EXOC4: variants seen among roughly 807,000 people sequenced by gnomAD.
The protein encoded by EXOC4 is exocyst complex component 4, also known as SEC8-like 1.
Under a neutral mutation model 107.2 loss-of-function variants are expected in EXOC4, and 71 were observed. The observed-to-expected ratio is 0.66, with a 90% CI of 0.55 to 0.81. The LOEUF is 0.81. Ranked by LOEUF, EXOC4 falls within the 30% of genes least tolerant of loss-of-function variation. The pLI is 0.00. For synonymous variants in EXOC4, 456 were observed against 441.2 expected (o/e 1.03, Z -0.42); for missense variants, 1,108 against 1,189.6 (o/e 0.93, Z 1.01).
chr7:133,403,388 C>T (rs1193176794), intron 7 of EXOC4, among the ~76,000 whole-genome samples: 2 of 152,186 alleles, frequency 1.3e-5, no homozygotes, highest in Non-Finnish European at 2.9e-5. Flanking sequence ...TGTGATCCTA[C>T]TGCATTTATG....
chr7:133,288,586 T>A (rs760288715), intron 2 of EXOC4, among the ~76,000 whole-genome samples: 2 of 152,218 alleles, frequency 1.3e-5, no homozygotes, highest in African/African-American at 4.8e-5. Context: ...GACTCTCACA[T>A]TGATCATTCT....
intron 9 of EXOC4, among the ~76,000 whole-genome samples, chr7:133,498,754 A>C (rs770180309): frequency 9.9e-5 from 15 of 152,212 alleles, no homozygotes; most frequent in Non-Finnish European, 1.5e-4. Flanking sequence ...ATGTACTAGT[A>C]CTAAACCCCA....
chr7:134,069,400 C>T (rs1298542843), downstream of EXOC4, among the ~76,000 whole-genome samples: 1 of 148,584 alleles, frequency 6.7e-6, no homozygotes, highest in Non-Finnish European at 1.5e-5. Flanking sequence ...TCTTCTCCCC[C>T]TACTTCTCCT....
chr7:133,724,200 C>T (rs1055338060), intron 10 of EXOC4, among the ~76,000 whole-genome samples: 18 of 152,014 alleles, frequency 1.2e-4, no homozygotes, highest in Non-Finnish European at 2.4e-4. Context: ...TCTGGTTTTC[C>T]CAGGCTGATA....
At chr7:133,834,589 A>G (rs767224442) in intron 11 of EXOC4, among the ~76,000 whole-genome samples, 1 of 152,238 alleles carries the variant, frequency 6.6e-6, no homozygotes, top group Non-Finnish European at 1.5e-5. Context: ...CCAGTGTTCA[A>G]TTTCGTTAGG....
chr7:133,294,646 C>G (rs1384243690), intron 3 of EXOC4, among the ~76,000 whole-genome samples: 1 of 151,920 alleles, frequency 6.6e-6, no homozygotes, highest in African/African-American at 2.4e-5. Flanking sequence ...CCAGAGGATC[C>G]CAGAGTGCTT....
intron 11 of EXOC4, among the ~76,000 whole-genome samples, chr7:133,885,807 G>A (rs1799073585): frequency 1.3e-5 from 2 of 152,158 alleles, no homozygotes; most frequent in Non-Finnish European, 2.9e-5. Flanking sequence ...TGTGGTTGGA[G>A]CAAGAGATGG....
intron 1 of EXOC4, among the ~76,000 whole-genome samples, chr7:133,258,110 T>C (rs1795059265): frequency 1.3e-5 from 2 of 152,232 alleles, no homozygotes; most frequent in Non-Finnish European, 2.9e-5. Context: ...CTGGGACATC[T>C]TGGCCCTACT....
chr7:133,278,006 G>T (rs1276781818), intron 2 of EXOC4, among the ~76,000 whole-genome samples: 3 of 152,134 alleles, frequency 2.0e-5, no homozygotes, highest in Non-Finnish European at 4.4e-5. Context: ...TTGAGAATGT[G>T]TAGATCTGAG....
intron 10 of EXOC4, among the ~76,000 whole-genome samples, chr7:133,773,841 G>T (rs199766989): frequency 6.6e-6 from 1 of 152,028 alleles, no homozygotes; most frequent in Admixed American, 6.6e-5. Context: ...AGATAAGCCT[G>T]CTGTCTGCTA....
chr7:133,991,487 G>A (rs1359967454), intron 14 of EXOC4, among the ~76,000 whole-genome samples: 2 of 151,728 alleles, frequency 1.3e-5, no homozygotes, highest in Non-Finnish European at 2.9e-5. Flanking sequence ...TGCTTTTGTT[G>A]CCTGTGCTTT....
intron 9 of EXOC4, among the ~76,000 whole-genome samples, chr7:133,531,286 G>C (rs987300882): frequency 1.3e-5 from 2 of 151,922 alleles, no homozygotes; most frequent in African/African-American, 4.8e-5. Flanking sequence ...GTTAACTCTT[G>C]AAACACAGAT....
intron 10 of EXOC4, among the ~76,000 whole-genome samples, chr7:133,654,638 A>G (rs1353284157): frequency 1.3e-5 from 2 of 152,158 alleles, no homozygotes; most frequent in African/African-American, 4.8e-5. Context: ...TACTGGGCGC[A>G]GCAGTTCTCT....
At chr7:133,388,586 G>T (rs1221350541) in intron 7 of EXOC4, among the ~76,000 whole-genome samples, 1 of 152,052 alleles carries the variant, frequency 6.6e-6, no homozygotes, top group African/African-American at 2.4e-5. Flanking sequence ...GGAGGTGGAG[G>T]CTGCAGTGAG....
chr7:133,541,928 A>G (rs4279537), intron 9 of EXOC4, among the ~76,000 whole-genome samples: 235 of 152,274 alleles, frequency 1.5e-3, no homozygotes, highest in Non-Finnish European at 2.5e-3. Context: ...GAATTCCAGC[A>G]GAGGCTGAAG....
chr7:134,028,767 G>A (rs372131065), intron 17 of EXOC4, among the ~76,000 whole-genome samples: 1 of 152,238 alleles, frequency 6.6e-6, no homozygotes, highest in African/African-American at 2.4e-5. Flanking sequence ...TTAAAGTGTG[G>A]AGTGATAAGA....
chr7:133,742,855 A>G (rs1343092930), intron 10 of EXOC4, among the ~76,000 whole-genome samples: 1 of 152,212 alleles, frequency 6.6e-6, no homozygotes. Flanking sequence ...TGTGTTAAAA[A>G]TACGGGAAAC....
chr7:133,794,895 A>G (rs1471409691), intron 10 of EXOC4, among the ~76,000 whole-genome samples: 2 of 151,384 alleles, frequency 1.3e-5, no homozygotes, highest in African/African-American at 2.4e-5. Flanking sequence ...GCACCCATTA[A>G]CTCTTCATTA....
chr7:133,573,629 C>T (rs1801069233), intron 9 of EXOC4, among the ~76,000 whole-genome samples: 1 of 152,078 alleles, frequency 6.6e-6, no homozygotes. Flanking sequence ...TTCCTTCCTT[C>T]CCCTCTCTCC....
Sources: gnomAD v4.1 joint callset for allele counts (sites outside exome capture counted in the v4.1 genomes callset) on GRCh38, gnomAD v4.1.1 for gene constraint, MANE v1.5 for transcripts, NCBI Gene and HGNC (gene_info 2026-07-23, HGNC 2026-07-21) for gene names.